The following DIPK2B variants were observed in gnomAD, a reference collection of about 807,000 sequenced individuals.
DIPK2B encodes the protein divergent protein kinase domain 2B, also known as UPF0672 protein CXorf36.
DIPK2B carries 15 observed loss-of-function variants against 22.2 expected under a neutral mutation model. That is an observed-to-expected ratio of 0.68 (90% CI 0.45 to 1.04). The LOEUF is 1.04. Among genes scored for constraint, DIPK2B ranks in the 50% least tolerant of loss-of-function variants. The probability of loss-of-function intolerance (pLI) is 0.00; values close to 1 mark genes in which losing one functional copy is unlikely to be tolerated. For missense variants in DIPK2B, 345 were observed against 348.3 expected (o/e 0.99, Z 0.08); for synonymous variants, 163 against 153.2 (o/e 1.06, Z -0.47).
chrX:45,164,059 G>T (rs976962522), intron 2 of DIPK2B: 79 of 1,012,190 alleles, frequency 7.8e-5, no homozygotes, highest in Non-Finnish European at 9.2e-5. Flanking sequence ...TGGCATGGGA[G>T]CTGCATGTGA....
chrX:45,192,748 C>G (rs1334698681), intron 1 of DIPK2B, among the ~76,000 whole-genome samples: 1 of 111,832 alleles, frequency 8.9e-6, no homozygotes, highest in Admixed American at 9.5e-5. Context: ...CTGGCCAGTC[C>G]TTAATCCTCC....
chrX:45,148,550 G>A lies in DIPK2B; in HGVS notation c.*3102C>T, dbSNP rs901430579. Reference sequence around the variant, plus strand: ...GGGAGTGAGAGGGAGAGTTGGGGGAGGGACGTGCCACACTCTTTTAAACAA... The same window carrying A: ...GGGAGTGAGAGGGAGAGTTGGGGGAAGGACGTGCCACACTCTTTTAAACAA... On this transcript the variant is annotated 3_prime_UTR_variant, in exon 5 of 5. Coordinates refer to ENST00000398000, the MANE Select transcript of DIPK2B (RefSeq NM_176819.4). The A allele has an allele frequency of 9.2e-6, 1 of 108,829 alleles. No homozygotes were observed. Among genetic ancestry groups the A allele is most frequent in the African/African-American group, 3.4e-5 (1 of 29,722 alleles). 9.0% of individuals were successfully genotyped at this position (108,829 alleles called of 1,213,427 possible).
In DIPK2B at chrX:45,151,835, C is replaced by A. The variant is rs1276573034; in HGVS notation, c.1119G>T (p.Arg373Ser). The change falls in exon 5 of 5, where the codon AGG (arginine) becomes AGT (serine). Residue 373 changes from arginine (R) to serine (S), a missense_variant. Arg to Ser is a moderately radical substitution (Grantham distance 110). Transcript: ENST00000398000. The stretch of plus-strand genomic sequence containing the variant: ...TGTCGTCTTGCACTGGGGAGGGGAA[C>A]CTCCCCTGGAGAAGTCGAGGCAGCA... ...QKLLPRLLQG[R>S]FPSPVQDDID... 5.0e-6 allele frequency: 6 copies of A among 1,210,406 alleles called. No homozygotes were observed. The highest frequency in any genetic ancestry group is 6.7e-6 in the Non-Finnish European group (6 of 895,173).
At chrX:45,198,734 C>T (rs1376818810) in intron 1 of DIPK2B, among the ~76,000 whole-genome samples, 1 of 111,510 alleles carries the variant, frequency 9.0e-6, no homozygotes, top group Non-Finnish European at 1.9e-5. Context: ...TTCTTATTGC[C>T]TCTCTCCAAG....
At chrX:45,166,044 G>T (rs1025638121) in intron 2 of DIPK2B, among the ~76,000 whole-genome samples, 6 of 111,891 alleles carry the variant, frequency 5.4e-5, no homozygotes, top group Non-Finnish European at 1.1e-4. Flanking sequence ...GGGGGTACCT[G>T]GTGTGAAAGG....
At chrX:45,190,792 G>C (rs1201995693) in intron 2 of DIPK2B, among the ~76,000 whole-genome samples, 2 of 112,403 alleles carry the variant, frequency 1.8e-5, no homozygotes, top group Non-Finnish European at 3.8e-5. Flanking sequence ...TGTACTCATA[G>C]AGTGCAGACT....
intron 2 of DIPK2B, among the ~76,000 whole-genome samples, chrX:45,182,770 C>A (rs979323684): frequency 8.9e-6 from 1 of 112,862 alleles, no homozygotes; most frequent in Non-Finnish European, 1.9e-5. Context: ...ACATATTGTA[C>A]GATTCCATTT....
chrX:45,193,581 C>T (rs979231059), intron 1 of DIPK2B, among the ~76,000 whole-genome samples: 2 of 111,924 alleles, frequency 1.8e-5, no homozygotes, highest in African/African-American at 6.5e-5. Flanking sequence ...GCCTCTGAAT[C>T]CTTGAGTTAT....
In DIPK2B at chrX:45,157,891, A is replaced by G. The variant is rs1419470303; in HGVS notation, c.499-3T>C. The G allele has an allele frequency of 2.8e-6, 3 of 1,084,788 alleles. No individual in the cohort carries two copies. Among genetic ancestry groups the G allele is most frequent in the Non-Finnish European group, 3.7e-6 (3 of 821,520 alleles). 89.4% of individuals were successfully genotyped at this position (1,084,788 alleles called of 1,213,427 possible). ...CGCAGGAGCGGGCTGGCCAGGCCCT[A>G]CGCGCAGGTGGGAGAGAGGCGGGAG... is the stretch of plus-strand genomic sequence containing the variant. On this transcript the variant is annotated splice_polypyrimidine_tract_variant and splice_region_variant and intron_variant, in intron 2 of 4. Transcript: ENST00000398000.
chrX:45,167,495 C>CAAAA (rs1156692662), intron 2 of DIPK2B, among the ~76,000 whole-genome samples: 33 of 24,622 alleles, frequency 1.3e-3, no homozygotes, highest in African/African-American at 4.2e-3. Flanking sequence ...AAGACTGTCT[C>CAAAA]AAAAAAAAAA....
At chrX:45,170,632 A>G (rs1603104141) in intron 2 of DIPK2B, among the ~76,000 whole-genome samples, 1 of 112,346 alleles carries the variant, frequency 8.9e-6, no homozygotes, top group African/African-American at 3.2e-5. Context: ...TTCATACTCA[A>G]TACAGTGTTG....
At chrX:45,187,345 T>C (rs927983131) in intron 2 of DIPK2B, among the ~76,000 whole-genome samples, 1 of 112,122 alleles carries the variant, frequency 8.9e-6, no homozygotes, top group Admixed American at 9.4e-5. Flanking sequence ...CTTGGCTGTG[T>C]TTCTGTTTGT....
intron 3 of DIPK2B, among the ~76,000 whole-genome samples, chrX:45,154,520 C>T (rs2046982488): frequency 9.0e-6 from 1 of 110,700 alleles, no homozygotes; most frequent in Admixed American, 9.7e-5. Context: ...ATGCCCCATC[C>T]CTCCCCTTCC....
At chrX:45,174,442 A>G (rs1189416590) in intron 2 of DIPK2B, among the ~76,000 whole-genome samples, 3 of 111,543 alleles carry the variant, frequency 2.7e-5, no homozygotes, top group African/African-American at 9.8e-5. Context: ...CACAAAGTTC[A>G]ATGCGGGGCA....
At chrX:45,157,591 G>T in intron 3 of DIPK2B, 124 bp downstream of exon 3, 1 of 700,135 alleles carries the variant, frequency 1.4e-6, no homozygotes, top group Non-Finnish European at 2.1e-6. Context: ...ATGCCAGAAA[G>T]GTCCTAACAC....
intron 2 of DIPK2B, among the ~76,000 whole-genome samples, chrX:45,190,181 T>G (rs2047203662): frequency 8.9e-6 from 1 of 112,421 alleles, no homozygotes; most frequent in South Asian, 3.7e-4. Context: ...GAGCAGGTAT[T>G]ATTTTCTGTC....
At chrX:45,172,722 A>G (rs956025490) in intron 2 of DIPK2B, among the ~76,000 whole-genome samples, 4 of 112,145 alleles carry the variant, frequency 3.6e-5, no homozygotes, top group Non-Finnish European at 7.5e-5. Context: ...GACGCAGAGT[A>G]AAACACATTA....
At chrX:45,177,081 T>C (rs2047122931) in intron 2 of DIPK2B, among the ~76,000 whole-genome samples, 1 of 110,238 alleles carries the variant, frequency 9.1e-6, no homozygotes, top group African/African-American at 3.3e-5. Flanking sequence ...GAGGATTGCT[T>C]GATCTCAGGA....
intron 1 of DIPK2B, among the ~76,000 whole-genome samples, chrX:45,194,429 T>C (rs1347525856): frequency 9.0e-6 from 1 of 110,544 alleles, no homozygotes; most frequent in Non-Finnish European, 1.9e-5. Context: ...TTTGTATTTT[T>C]AGTAGAGACG....
Sources: allele counts gnomAD v4.1 joint callset (sites outside exome capture counted in the v4.1 genomes callset), GRCh38; gene constraint gnomAD v4.1.1; transcripts MANE v1.5; gene names NCBI Gene and HGNC (gene_info 2026-07-23, HGNC 2026-07-21).